Variants in DYNC2I2 observed in about 807,000 individuals in gnomAD.
DYNC2I2 encodes the protein cytoplasmic dynein 2 intermediate chain 2.
A neutral mutation model predicts 52.0 loss-of-function variants in DYNC2I2; 39 were observed. The ratio of observed to expected loss-of-function variants is 0.75; its 90% CI spans 0.58 to 0.98. The LOEUF is 0.98. Ranked by LOEUF, DYNC2I2 falls within the 50% of genes least tolerant of loss-of-function variation. DYNC2I2 has a pLI of 0.00. For missense variants in DYNC2I2, 743 were observed against 728.4 expected, an observed-to-expected ratio of 1.02 and a Z score of -0.23; for synonymous variants, 359 against 321.1, an observed-to-expected ratio of 1.12 and a Z score of -1.26.
At chr9:128,673,459 A>G in the DYNC2I2 span, among the ~76,000 whole-genome samples, 1 of 150,620 alleles carries the variant, frequency 6.6e-6, no homozygotes, top group African/African-American at 2.4e-5. Flanking sequence ...CTCCCTGCTC[A>G]GCCTCCTGAA....
Position 128,633,776 on chromosome 9 carries a change from G to A in DYNC2I2, c.1579C>T (p.Leu527=). 1.2e-6 allele frequency: 2 copies of A among 1,613,556 alleles called. No homozygotes were observed. The highest frequency in any genetic ancestry group is 1.7e-6 in the Non-Finnish European group (2 of 1,180,042). Residue 527 remains leucine, a synonymous_variant, in exon 9 of 9, where the codon CTG becomes TTG. Coordinates refer to ENST00000372715, the MANE Select transcript of DYNC2I2 (RefSeq NM_052844.4). ...GCCACCTCTGCTGCCAGGCAGTCCAGGTCCTCAGCTTCCCGGGGCCCTTGT... is the reference window on the plus strand; with the variant it reads ...GCCACCTCTGCTGCCAGGCAGTCCAAGTCCTCAGCTTCCCGGGGCCCTTGT... The part of the protein sequence containing the change: ...TEQGPREAED[L]DCLAAEVAA
intron 1 of DYNC2I2, among the ~76,000 whole-genome samples, chr9:128,642,928 G>A (rs1182781611): frequency 2.6e-5 from 4 of 152,122 alleles, no homozygotes; most frequent in Admixed American, 1.3e-4. Context: ...AGCACATGCA[G>A]AGGCACGAGA....
intron 5 of DYNC2I2, 86 bp downstream of exon 5, chr9:128,635,572 C>T (rs886733289): frequency 1.0e-5 from 13 of 1,264,348 alleles, no homozygotes; most frequent in South Asian, 2.7e-5. Context: ...CAACTGCCAA[C>T]GCCCGGGTGA....
intron 3 of DYNC2I2, 63 bp downstream of exon 3, chr9:128,636,855 G>C (rs150060231): frequency 1.5e-6 from 2 of 1,305,980 alleles, no homozygotes; most frequent in East Asian, 2.4e-5. Context: ...CAGCTACAGA[G>C]ACAAGGCCCA....
chr9:128,666,498 AC>A, the DYNC2I2 span, among the ~76,000 whole-genome samples: 1 of 151,942 alleles, frequency 6.6e-6, no homozygotes, highest in South Asian at 2.1e-4. Flanking sequence ...ATGGTGGCCC[AC>A]GCCTGTAATC....
chr9:128,683,625 A>T, the DYNC2I2 span: 1 of 389,406 alleles, frequency 2.6e-6, no homozygotes, highest in Admixed American at 4.3e-5. Flanking sequence ...CTCCTCAAGG[A>T]AGAACTTGCC....
chr9:128,634,579 G>A, intron 7 of DYNC2I2, 110 bp downstream of exon 7: 4 of 1,318,558 alleles, frequency 3.0e-6, no homozygotes, highest in Non-Finnish European at 4.1e-6. Context: ...GGGTCTCAGA[G>A]TGGGCAGAAG....
intron 1 of DYNC2I2, among the ~76,000 whole-genome samples, chr9:128,642,934 C>A (rs560229634): frequency 6.6e-6 from 1 of 151,784 alleles, no homozygotes; most frequent in Non-Finnish European, 1.5e-5. Context: ...TGCAGAGGCA[C>A]GAGAAAGGAA....
At chr9:128,636,510 C>T (rs960778692) in intron 3 of DYNC2I2, 72 bp from the exon 4 acceptor site, 1 of 1,513,886 alleles carries the variant, frequency 6.6e-7, no homozygotes, top group Non-Finnish European at 8.9e-7. Context: ...CCTCTCTCCC[C>T]ACTAGCCCCG....
upstream of DYNC2I2, among the ~76,000 whole-genome samples, chr9:128,659,811 G>A (rs1401488934): frequency 2.0e-5 from 3 of 151,778 alleles, no homozygotes; most frequent in African/African-American, 7.2e-5. Flanking sequence ...CGGAGGCTGA[G>A]GCAGGAGAAT....
intron 1 of DYNC2I2, among the ~76,000 whole-genome samples, chr9:128,643,560 C>T (rs958055812): frequency 6.6e-6 from 1 of 150,652 alleles, no homozygotes; most frequent in Non-Finnish European, 1.5e-5. Flanking sequence ...GGCATGACGG[C>T]GCATCCTGTA....
chr9:128,663,891 G>A, the DYNC2I2 span, among the ~76,000 whole-genome samples: 4 of 149,800 alleles, frequency 2.7e-5, no homozygotes, highest in Admixed American at 1.3e-4. Context: ...GGGCTCAAGC[G>A]ATTCGTCTGC....
At chr9:128,658,958 T>C (rs1235074686), upstream of DYNC2I2, among the ~76,000 whole-genome samples, 2 of 151,772 alleles carry the variant, frequency 1.3e-5, no homozygotes, top group African/African-American at 4.8e-5. Flanking sequence ...CTCGAACTCC[T>C]GGGTTCAAGT....
chr9:128,655,514 A>G (rs1467082619), intron 1 of DYNC2I2, among the ~76,000 whole-genome samples: 7 of 136,818 alleles, frequency 5.1e-5, no homozygotes, highest in Non-Finnish European at 1.1e-4. Flanking sequence ...CCGTCTCCAA[A>G]AAAAAAAAAA....
At chr9:128,638,115 T>G (rs1488842665) in intron 2 of DYNC2I2, among the ~76,000 whole-genome samples, 1 of 151,320 alleles carries the variant, frequency 6.6e-6, no homozygotes. Flanking sequence ...TCAGAGCCTG[T>G]AATCCCAGCT....
At chr9:128,647,073 T>C (rs1331646536) in intron 1 of DYNC2I2, among the ~76,000 whole-genome samples, 1 of 152,120 alleles carries the variant, frequency 6.6e-6, no homozygotes, top group Non-Finnish European at 1.5e-5. Flanking sequence ...TGTGGTGAGC[T>C]GAGATTGCGC....
At chr9:128,674,784 C>T in the DYNC2I2 span, among the ~76,000 whole-genome samples, 33 of 152,052 alleles carry the variant, frequency 2.2e-4, no homozygotes, top group Non-Finnish European at 4.3e-4. Context: ...TTAGCCATGT[C>T]GTGCGGCTGG....
At chr9:128,654,455 C>T (rs557010158) in intron 1 of DYNC2I2, among the ~76,000 whole-genome samples, 91 of 152,214 alleles carry the variant, frequency 6.0e-4, no homozygotes, top group African/African-American at 2.2e-3. Flanking sequence ...CTTTCCTTAC[C>T]CTCTCTGACC....
chr9:128,669,092 G>A, the DYNC2I2 span, among the ~76,000 whole-genome samples: 4 of 152,202 alleles, frequency 2.6e-5, no homozygotes, highest in East Asian at 1.9e-4. Context: ...TGGGCCGGGT[G>A]TGGTGGCTCA....
Sources: gnomAD v4.1 joint callset for allele counts (sites outside exome capture counted in the v4.1 genomes callset) on GRCh38, gnomAD v4.1.1 for gene constraint, MANE v1.5 for transcripts, NCBI Gene and HGNC (gene_info 2026-07-23, HGNC 2026-07-21) for gene names.